MACROD2: variants seen among roughly 807,000 people sequenced by gnomAD.
The protein encoded by MACROD2 is mono-ADP ribosylhydrolase 2, also known as ADP-ribose glycohydrolase MACROD2.
A neutral mutation model predicts 70.4 loss-of-function variants in MACROD2; 36 were observed. The ratio of observed to expected loss-of-function variants is 0.51; its 90% confidence interval spans 0.39 to 0.68. The LOEUF (loss-of-function observed/expected upper bound fraction) is 0.68, where lower values mean the gene tolerates loss of function less well. Ranked by LOEUF, MACROD2 falls within the 30% of genes least tolerant of loss-of-function variation. The probability of loss-of-function intolerance (pLI) is 0.00; values close to 1 mark genes in which losing one functional copy is unlikely to be tolerated. For missense variants in MACROD2, 496 were observed against 538.4 expected (o/e 0.92, Z 0.78); for synonymous variants, 172 against 178.8 (o/e 0.96, Z 0.30).
intron 8 of MACROD2, among the ~76,000 whole-genome samples, chr20:15,688,048 G>A (rs1316731839): frequency 6.6e-6 from 1 of 152,060 alleles, no homozygotes; most frequent in African/African-American, 2.4e-5. Flanking sequence ...CATGCCCATT[G>A]CCTGAGGCCA....
intron 3 of MACROD2, among the ~76,000 whole-genome samples, chr20:14,467,138 G>A (rs2084462345): frequency 6.6e-6 from 1 of 152,180 alleles, no homozygotes. Flanking sequence ...CAGAGGTGGA[G>A]CCTACAGAGG....
intron 7 of MACROD2, among the ~76,000 whole-genome samples, chr20:15,495,352 G>T (rs572033785): frequency 6.6e-6 from 1 of 152,112 alleles, no homozygotes; most frequent in Non-Finnish European, 1.5e-5. Flanking sequence ...CTGAAAGCAG[G>T]CATATTATCA....
intron 8 of MACROD2, among the ~76,000 whole-genome samples, chr20:15,799,128 T>A (rs1482831030): frequency 6.6e-6 from 1 of 152,140 alleles, no homozygotes; most frequent in African/African-American, 2.4e-5. Flanking sequence ...GGCCTATAGT[T>A]TTAAAAAAGA....
At chr20:15,095,947 G>A (rs79740692) in intron 5 of MACROD2, among the ~76,000 whole-genome samples, 5,246 of 152,124 alleles carry the variant, frequency 0.034, 148 homozygotes, top group South Asian at 0.11. Flanking sequence ...AATCAGAATT[G>A]TGAGAATATA....
Position 15,428,740 on chromosome 20 carries a change from A to G in MACROD2, c.541-2665A>G, listed in dbSNP as rs1421046280. 3.3e-5 allele frequency among the ~76,000 whole-genome samples: 5 copies of G among 152,204 alleles called. 1 individual carries two copies. In the East Asian group the frequency reaches 9.6e-4, roughly 29 times the overall value. ...ATTTTCTTATGAAGCCTCCAATGCC[A>G]CATACAACTTGAATTAAATACATTT... is the stretch of plus-strand genomic sequence containing the variant. On this transcript the variant is annotated intron_variant, in intron 6 of 17. Transcript: ENST00000684519.
chr20:14,622,404 A>G (rs1433565534), intron 4 of MACROD2, among the ~76,000 whole-genome samples: 1 of 152,150 alleles, frequency 6.6e-6, no homozygotes, highest in Admixed American at 6.5e-5. Context: ...GTACAGCATT[A>G]CCTTTTAAAA....
intron 5 of MACROD2, among the ~76,000 whole-genome samples, chr20:15,142,605 G>GCA (rs1326546896): frequency 2.0e-5 from 3 of 151,944 alleles, no homozygotes; most frequent in Admixed American, 2.0e-4. Context: ...TTGGTGTGCT[G>GCA]CACCCATTAA....
At chr20:15,535,361 G>A (rs920175328) in intron 8 of MACROD2, among the ~76,000 whole-genome samples, 2 of 152,066 alleles carry the variant, frequency 1.3e-5, no homozygotes, top group Admixed American at 1.3e-4. Context: ...TCACAATGTG[G>A]TCCCTAGACC....
chr20:14,313,333 C>CCACTTGAACATTAAA (rs1555779517), intron 3 of MACROD2, among the ~76,000 whole-genome samples: 6 of 152,102 alleles, frequency 3.9e-5, no homozygotes, highest in Non-Finnish European at 8.8e-5. Flanking sequence ...CACATTTGTT[C>CCACTTGAACATTAAA]TGTCCCAAGT....
chr20:14,854,527 T>C (rs911389479), intron 5 of MACROD2, among the ~76,000 whole-genome samples: 1 of 152,136 alleles, frequency 6.6e-6, no homozygotes, highest in Admixed American at 6.5e-5. Flanking sequence ...TGTTTAATTA[T>C]GCCACAACTT....
intron 4 of MACROD2, among the ~76,000 whole-genome samples, chr20:14,602,375 G>A (rs755457728): frequency 5.9e-5 from 9 of 152,282 alleles, no homozygotes; most frequent in African/African-American, 1.4e-4. Flanking sequence ...CTTTTTCACC[G>A]TGGGCATGTT....
intron 3 of MACROD2, among the ~76,000 whole-genome samples, chr20:14,193,045 G>A (rs1450958714): frequency 6.6e-6 from 1 of 152,172 alleles, no homozygotes; most frequent in Non-Finnish European, 1.5e-5. Flanking sequence ...TAAATAGGGG[G>A]CTCCTGGCAC....
In MACROD2 at chr20:15,777,607, C is replaced by T. The variant is rs548150168; in HGVS notation, c.646-85138C>T. On this transcript the variant is annotated intron_variant, in intron 8 of 17. Coordinates refer to ENST00000684519, the MANE Select transcript of MACROD2 (RefSeq NM_001351661.2). ...CTTCCTTCCTTCCTTCCTTCCCTCCCTCCCTCTCTCCCTCCCTCCCTCCTT... is the reference window on the plus strand; with the variant it reads ...CTTCCTTCCTTCCTTCCTTCCCTCCTTCCCTCTCTCCCTCCCTCCCTCCTT... Among the ~76,000 whole-genome samples, 64 of 131,938 alleles carry T rather than the reference C, an allele frequency of 4.9e-4. 1 individual carries two copies. Among genetic ancestry groups the T allele is most frequent in the African/African-American group, 1.8e-3 (61 of 33,468 alleles). The allele number at this position is 131,938 out of a possible 152,430, so 86.6% of individuals were successfully genotyped here.
intron 3 of MACROD2, among the ~76,000 whole-genome samples, chr20:14,210,658 A>G (rs2081563222): frequency 6.6e-6 from 1 of 152,256 alleles, no homozygotes; most frequent in Non-Finnish European, 1.5e-5. Flanking sequence ...ACAAGAAAAC[A>G]TAAGGTTATT....
At chr20:15,189,341 A>C (rs185056842) in intron 5 of MACROD2, among the ~76,000 whole-genome samples, 11 of 152,012 alleles carry the variant, frequency 7.2e-5, no homozygotes, top group Non-Finnish European at 1.3e-4. Flanking sequence ...TATGTGTGTA[A>C]ATATATGTGT....
At chr20:15,658,200 A>G (rs1038901692) in intron 8 of MACROD2, among the ~76,000 whole-genome samples, 2 of 150,900 alleles carry the variant, frequency 1.3e-5, no homozygotes, top group Non-Finnish European at 1.5e-5. Flanking sequence ...GACAAAACAA[A>G]AGCTTTTTTC....
chr20:14,697,431 C>T lies in MACROD2; in HGVS notation c.418+12472C>T, dbSNP rs1386329737. Among the ~76,000 whole-genome samples, 4 of 152,166 alleles carry T rather than the reference C, an allele frequency of 2.6e-5. No individual in the cohort carries two copies. In the East Asian group the frequency reaches 7.7e-4, roughly 29 times the overall value. ...GAGGGAGCCGAAACAGGGAACTGCA[C>T]ATCAAGAGTTAATACAGTACTTTTA... On this transcript the variant is annotated intron_variant, in intron 5 of 17. Transcript: ENST00000684519.
chr20:15,489,377 G>C (rs1344905332), intron 7 of MACROD2, among the ~76,000 whole-genome samples: 1 of 152,170 alleles, frequency 6.6e-6, no homozygotes, highest in Non-Finnish European at 1.5e-5. Context: ...CATGGGGAAA[G>C]AAGCGATGTC....
chr20:15,494,776 T>TGTGTGCGCGC (rs368522802), intron 7 of MACROD2, among the ~76,000 whole-genome samples: 1 of 131,892 alleles, frequency 7.6e-6, no homozygotes, highest in African/African-American at 2.8e-5. Context: ...CGTGTGTGTG[T>TGTGTGCGCGC]GCGCGCGTGT....
Sources: gnomAD v4.1 joint callset for allele counts (sites outside exome capture counted in the v4.1 genomes callset) on GRCh38, gnomAD v4.1.1 for gene constraint, MANE v1.5 for transcripts, NCBI Gene and HGNC (gene_info 2026-07-23, HGNC 2026-07-21) for gene names.